ACCSL: variants seen among roughly 807,000 people sequenced by gnomAD.
The protein encoded by ACCSL is probable inactive 1-aminocyclopropane-1-carboxylate synthase-like protein 2.
In ACCSL, 55 loss-of-function variants were observed where a neutral mutation model predicts 61.7. The ratio of observed to expected loss-of-function variants is 0.89; its 90% CI spans 0.72 to 1.12. The LOEUF (loss-of-function observed/expected upper bound fraction) is 1.12. ACCSL is among the 50% of genes most tolerant of loss of function. The pLI, the probability that ACCSL is intolerant of heterozygous loss-of-function variation, is 0.00. For synonymous variants in ACCSL, 258 were observed against 264.3 expected (o/e 0.98, Z 0.23); for missense variants, 632 against 698.0 (o/e 0.91, Z 1.07).
At chr11:43,922,576 T>C in the ACCSL span, among the ~76,000 whole-genome samples, 205 of 152,340 alleles carry the variant, frequency 1.3e-3, 1 homozygote, top group African/African-American at 4.6e-3. Context: ...GCCCATTTCA[T>C]TGGGGAAGCT....
intron 2 of ACCSL, 110 bp downstream of exon 2, chr11:44,050,231 G>A: frequency 2.2e-6 from 2 of 928,380 alleles, no homozygotes; most frequent in South Asian, 1.4e-5. Context: ...CCTGGGAAGA[G>A]GAGTGAAGAA....
At chr11:43,965,281 G>T in the ACCSL span, among the ~76,000 whole-genome samples, 1 of 151,554 alleles carries the variant, frequency 6.6e-6, no homozygotes, top group Admixed American at 6.6e-5. Flanking sequence ...CATACAAAAA[G>T]CAGTTGAATT....
At chr11:43,949,660 C>CA in the ACCSL span, among the ~76,000 whole-genome samples, 1 of 151,484 alleles carries the variant, frequency 6.6e-6, no homozygotes, top group South Asian at 2.1e-4. Flanking sequence ...ACTAATAATA[C>CA]AAAAATTAGC....
the ACCSL span, among the ~76,000 whole-genome samples, chr11:43,957,894 TC>T: frequency 6.6e-6 from 1 of 152,162 alleles, no homozygotes; most frequent in Non-Finnish European, 1.5e-5. Context: ...TTCTTTGGAA[TC>T]CCCTTGGTCA....
At chr11:44,059,664 G>A (rs1314739467) in intron 13 of ACCSL, among the ~76,000 whole-genome samples, 174 bp from the exon 14 acceptor site, 6 of 152,212 alleles carry the variant, frequency 3.9e-5, no homozygotes, top group Non-Finnish European at 8.8e-5. Flanking sequence ...TATTCAAAAA[G>A]AAATCAGGGA....
chr11:43,926,067 G>T, the ACCSL span, among the ~76,000 whole-genome samples: 1 of 152,146 alleles, frequency 6.6e-6, no homozygotes, highest in Non-Finnish European at 1.5e-5. Context: ...AGTCAGCAAG[G>T]GTTGGGGAGT....
At chr11:43,933,977 C>T in the ACCSL span, among the ~76,000 whole-genome samples, 37 of 152,180 alleles carry the variant, frequency 2.4e-4, no homozygotes, top group Admixed American at 1.2e-3. Context: ...TGAGCTCATC[C>T]CAGCATGAAT....
chr11:43,975,349 G>C, the ACCSL span, among the ~76,000 whole-genome samples: 1 of 152,094 alleles, frequency 6.6e-6, no homozygotes, highest in African/African-American at 2.4e-5. Flanking sequence ...ATCAAATCAA[G>C]GTACTGACTT....
the ACCSL span, among the ~76,000 whole-genome samples, chr11:44,016,927 C>T: frequency 6.6e-6 from 1 of 152,184 alleles, no homozygotes; most frequent in Non-Finnish European, 1.5e-5. Flanking sequence ...GAGACCCCTC[C>T]AGCACTGAGA....
At chr11:43,971,970 T>C in the ACCSL span, among the ~76,000 whole-genome samples, 1 of 152,248 alleles carries the variant, frequency 6.6e-6, no homozygotes, top group Non-Finnish European at 1.5e-5. Context: ...AATTTTATAG[T>C]TATTTATTAG....
chr11:43,957,396 G>A, the ACCSL span, among the ~76,000 whole-genome samples: 1 of 152,158 alleles, frequency 6.6e-6, no homozygotes, highest in Non-Finnish European at 1.5e-5. Context: ...TTTGCCTGAA[G>A]AGTCTGAAGT....
the ACCSL span, among the ~76,000 whole-genome samples, chr11:43,950,493 C>T: frequency 2.6e-5 from 4 of 152,238 alleles, no homozygotes; most frequent in Non-Finnish European, 4.4e-5. Context: ...CTCCCAGTCC[C>T]GTGGTAGAGT....
chr11:43,998,460 G>A, the ACCSL span, among the ~76,000 whole-genome samples: 2 of 152,102 alleles, frequency 1.3e-5, no homozygotes, highest in Non-Finnish European at 2.9e-5. Context: ...CCTGGATTAG[G>A]CATTCTCCAC....
At chr11:44,029,771 G>A in the ACCSL span, among the ~76,000 whole-genome samples, 1 of 151,922 alleles carries the variant, frequency 6.6e-6, no homozygotes, top group Non-Finnish European at 1.5e-5. Context: ...TTGGTGAGTT[G>A]GCCCTCCAGA....
chr11:43,928,708 G>C, the ACCSL span, among the ~76,000 whole-genome samples: 32 of 152,350 alleles, frequency 2.1e-4, no homozygotes, highest in Admixed American at 2.0e-3. Flanking sequence ...GCAGCTCAGA[G>C]TGGCCAGGAA....
chr11:43,974,750 A>G, the ACCSL span, among the ~76,000 whole-genome samples: 20 of 152,306 alleles, frequency 1.3e-4, no homozygotes, highest in Non-Finnish European at 2.4e-4. Context: ...CACGTGGTAG[A>G]AATGAAAACC....
At chr11:44,006,890 G>A in the ACCSL span, among the ~76,000 whole-genome samples, 1 of 152,054 alleles carries the variant, frequency 6.6e-6, no homozygotes, top group Non-Finnish European at 1.5e-5. Flanking sequence ...TGATATTGTT[G>A]TTATTATTTT....
chr11:43,954,031 G>T, the ACCSL span, among the ~76,000 whole-genome samples: 2 of 152,156 alleles, frequency 1.3e-5, no homozygotes, highest in Non-Finnish European at 2.9e-5. Context: ...ACGGGAAGGG[G>T]TGGTGGGAAC....
the ACCSL span, chr11:43,943,647 G>C: frequency 7.7e-7 from 1 of 1,305,236 alleles, no homozygotes; most frequent in South Asian, 1.2e-5. This position sits in a 1 kb window ranked among gnomAD's most constrained non-coding sequence, Gnocchi z 4.8. Flanking sequence ...GCTCCACCGT[G>C]CCCCCCAGCG....
Sources: gnomAD v4.1 joint callset for allele counts (sites outside exome capture counted in the v4.1 genomes callset) on GRCh38, gnomAD v4.1.1 for gene constraint, Gnocchi (gnomAD v3.1) non-coding constraint, MANE v1.5 for transcripts, NCBI Gene and HGNC (gene_info 2026-07-23, HGNC 2026-07-21) for gene names.